KCTD16: variants seen among roughly 807,000 people sequenced by gnomAD.
KCTD16 encodes potassium channel tetramerization domain containing 16, also known as BTB/POZ domain-containing protein KCTD16.
In KCTD16, 13 loss-of-function variants were observed where a neutral mutation model predicts 33.2. The observed-to-expected ratio is 0.39, with a 90% CI of 0.25 to 0.62. The LOEUF is 0.62. Ranked by LOEUF, KCTD16 falls within the 20% of genes least tolerant of loss-of-function variation. The pLI, the probability that KCTD16 is intolerant of heterozygous loss-of-function variation, is 0.50. For synonymous variants in KCTD16, 197 were observed against 195.3 expected (o/e 1.01, Z -0.07); for missense variants, 441 against 525.1 (o/e 0.84, Z 1.57).
chr5:144,357,499 C>T (rs192152172), intron 3 of KCTD16, among the ~76,000 whole-genome samples: 1 of 152,316 alleles, frequency 6.6e-6, no homozygotes, highest in African/African-American at 2.4e-5. Flanking sequence ...ATAAAACACT[C>T]TAGCCATCAA....
At chr5:144,350,884 T>G (rs1319648618) in intron 3 of KCTD16, among the ~76,000 whole-genome samples, 2 of 152,018 alleles carry the variant, frequency 1.3e-5, no homozygotes, top group Non-Finnish European at 2.9e-5. Flanking sequence ...GATTTTTTTT[T>G]TTAACTAGAG....
chr5:144,267,102 A>G (rs2126843616), intron 3 of KCTD16, among the ~76,000 whole-genome samples: 1 of 152,368 alleles, frequency 6.6e-6, no homozygotes, highest in Non-Finnish European at 1.5e-5. Flanking sequence ...TGGATGATTT[A>G]TAAAACTCTA....
intron 3 of KCTD16, among the ~76,000 whole-genome samples, chr5:144,447,405 CAG>C (rs1753843730): frequency 6.6e-6 from 1 of 151,942 alleles, no homozygotes; most frequent in Non-Finnish European, 1.5e-5. Flanking sequence ...TAGGACCTGT[CAG>C]GGGCTGGGGG....
chr5:144,243,933 C>T (rs574563912), intron 3 of KCTD16, among the ~76,000 whole-genome samples: 70 of 152,014 alleles, frequency 4.6e-4, no homozygotes, highest in African/African-American at 1.3e-3. Flanking sequence ...TTAGTAGAGA[C>T]GGGGTTTCAC....
intron 3 of KCTD16, among the ~76,000 whole-genome samples, chr5:144,289,707 C>G (rs1448853179): frequency 2.0e-5 from 3 of 152,036 alleles, no homozygotes; most frequent in South Asian, 2.1e-4. Flanking sequence ...GCTGAATAAC[C>G]TATCTATTTC....
intron 3 of KCTD16, among the ~76,000 whole-genome samples, chr5:144,229,201 G>A (rs1004525088): frequency 2.0e-5 from 3 of 152,184 alleles, no homozygotes; most frequent in African/African-American, 7.2e-5. Context: ...AGAGCTCAAG[G>A]TGTATGCAAG....
At chr5:144,193,087 G>C (rs1053187800) in intron 2 of KCTD16, among the ~76,000 whole-genome samples, 3 of 152,118 alleles carry the variant, frequency 2.0e-5, no homozygotes, top group African/African-American at 7.2e-5. Flanking sequence ...CTTCACTCTG[G>C]TCTGAGACAT....
At chr5:144,379,643 TG>T (rs1358459158) in intron 3 of KCTD16, among the ~76,000 whole-genome samples, 1 of 152,160 alleles carries the variant, frequency 6.6e-6, no homozygotes, top group African/African-American at 2.4e-5. Flanking sequence ...TGTATGGGTA[TG>T]ACAGAAAATA....
At chr5:144,431,107 A>T (rs995495930) in intron 3 of KCTD16, among the ~76,000 whole-genome samples, 1 of 152,150 alleles carries the variant, frequency 6.6e-6, no homozygotes, top group African/African-American at 2.4e-5. Flanking sequence ...CTTTCTCAGG[A>T]TGCTAAAATA....
At chr5:144,371,448 G>T (rs1015146295) in intron 3 of KCTD16, among the ~76,000 whole-genome samples, 1 of 152,096 alleles carries the variant, frequency 6.6e-6, no homozygotes, top group African/African-American at 2.4e-5. Flanking sequence ...GTGAAACTTT[G>T]CCCAAATGAC....
chr5:144,202,692 T>G (rs1753071492), intron 2 of KCTD16, among the ~76,000 whole-genome samples: 1 of 150,980 alleles, frequency 6.6e-6, no homozygotes, highest in African/African-American at 2.4e-5. Context: ...CTTACTATAA[T>G]AAACAAACTG....
In KCTD16 at chr5:144,481,290, G is replaced by A. The variant is rs1253667757; in HGVS notation, c.*7176G>A. On this transcript the variant is annotated 3_prime_UTR_variant, in exon 4 of 4. Transcript: ENST00000512467. ...ATGAAACTAGTAAGGGGGAGAAAGTGTTTTGAGCAGGCCAATGATTTCATT... is the reference window on the plus strand; with the variant it reads ...ATGAAACTAGTAAGGGGGAGAAAGTATTTTGAGCAGGCCAATGATTTCATT... The A allele has an allele frequency of 1.3e-5, 2 of 151,960 alleles. No individual in the cohort carries two copies. Among genetic ancestry groups the A allele is most frequent in the East Asian group, 1.9e-4 (1 of 5,168 alleles). 9.4% of individuals were successfully genotyped at this position (151,960 alleles called of 1,614,324 possible).
At chr5:144,472,287 A>G (rs1754494100) in intron 3 of KCTD16, among the ~76,000 whole-genome samples, 1 of 152,214 alleles carries the variant, frequency 6.6e-6, no homozygotes, top group Non-Finnish European at 1.5e-5. Flanking sequence ...ATCGGTAAAT[A>G]GTATTAAGTT....
intron 3 of KCTD16, among the ~76,000 whole-genome samples, chr5:144,271,840 CA>C (rs1755306716): frequency 6.6e-6 from 1 of 151,336 alleles, no homozygotes; most frequent in Non-Finnish European, 1.5e-5. Flanking sequence ...AGTCAACACA[CA>C]AAAATCAGTT....
chr5:144,453,157 A>G (rs1234613117), intron 3 of KCTD16, among the ~76,000 whole-genome samples: 1 of 151,848 alleles, frequency 6.6e-6, no homozygotes, highest in Non-Finnish European at 1.5e-5. Flanking sequence ...AAGGGCCGCC[A>G]TTTTCTCTAC....
chr5:144,387,890 G>C (rs1158301704), intron 3 of KCTD16, among the ~76,000 whole-genome samples: 1 of 151,930 alleles, frequency 6.6e-6, no homozygotes, highest in East Asian at 1.9e-4. Flanking sequence ...TAATCACAAG[G>C]TCTAGTGTCA....
intron 3 of KCTD16, among the ~76,000 whole-genome samples, chr5:144,231,146 G>A (rs567331063): frequency 9.5e-4 from 145 of 152,178 alleles, no homozygotes; most frequent in Non-Finnish European, 1.8e-3. Context: ...TTGCTAATTC[G>A]ATGTTAGTTA....
chr5:144,307,829 A>G (rs1461653220), intron 3 of KCTD16, among the ~76,000 whole-genome samples: 2 of 152,224 alleles, frequency 1.3e-5, no homozygotes, highest in African/African-American at 4.8e-5. Context: ...TTCTTAGCCA[A>G]GAAGATTGCC....
chr5:144,342,103 T>TCTTGCTTTCACCTTATTTTCAGAGATCTC (rs1752663346), intron 3 of KCTD16, among the ~76,000 whole-genome samples: 1 of 152,194 alleles, frequency 6.6e-6, no homozygotes, highest in African/African-American at 2.4e-5. Flanking sequence ...TTTTTCCAAT[T>TCTTGCTTTCACCTTATTTTCAGAGATCTC]CTGTGAAGAA....
Sources: gnomAD v4.1 joint callset for allele counts (sites outside exome capture counted in the v4.1 genomes callset) on GRCh38, gnomAD v4.1.1 for gene constraint, MANE v1.5 for transcripts, NCBI Gene and HGNC (gene_info 2026-07-23, HGNC 2026-07-21) for gene names.